Variants in PITPNM1 observed in about 807,000 individuals in gnomAD.
PITPNM1 encodes the protein phosphatidylinositol transfer protein membrane associated 1.
PITPNM1 carries 74 observed loss-of-function variants against 133.3 expected under a neutral mutation model. The ratio of observed to expected loss-of-function variants is 0.56; its 90% CI spans 0.46 to 0.67. The LOEUF (loss-of-function observed/expected upper bound fraction) is 0.67, where lower values mean the gene tolerates loss of function less well. Ranked by LOEUF, PITPNM1 falls within the 30% of genes least tolerant of loss-of-function variation. The pLI is 0.00. For synonymous variants in PITPNM1, 738 were observed against 741.4 expected (o/e 1.00, Z 0.08); for missense variants, 1,398 against 1,739.5 (o/e 0.80, Z 3.49).
Position 67,492,293 on chromosome 11 carries a change from G to A in PITPNM1, c.3475C>T (p.Leu1159=), listed in dbSNP as rs1033367129. The change falls in exon 24 of 24, where the codon CTG becomes TTG. Residue 1159 remains leucine, a synonymous_variant. Coordinates refer to ENST00000356404, the MANE Select transcript of PITPNM1 (RefSeq NM_004910.3). Reference sequence around the variant, plus strand: ...AGGTGGGCCACATAGCCGTCTGACAGGAACTGTGGGCAGAGGTAGGCAGCG... The same window carrying A: ...AGGTGGGCCACATAGCCGTCTGACAAGAACTGTGGGCAGAGGTAGGCAGCG... ...VRKLQAQCQF[L]SDGYVAHLGQ... The A allele has an allele frequency of 6.4e-7, 1 of 1,565,344 alleles. No individual in the cohort carries two copies. The highest frequency in any genetic ancestry group is 1.4e-5 in the African/African-American group (1 of 73,666).
intron 12 of PITPNM1, 110 bp from the exon 13 acceptor site, chr11:67,497,789 G>A: frequency 6.6e-7 from 1 of 1,509,574 alleles, no homozygotes. Flanking sequence ...GAATTCCAGA[G>A]AAGACATGAA....
At position 67,496,289 on chromosome 11, in the gene PITPNM1, A is replaced by G; in HGVS notation, c.2206T>C (p.Cys736Arg). Reference sequence around the variant, plus strand: ...AGCAGGGGCTCGAGGCGTGAGGCGCAGGGGTCAGCCGCGTGGAAGAGGTTG... The same window carrying G: ...AGCAGGGGCTCGAGGCGTGAGGCGCGGGGGTCAGCCGCGTGGAAGAGGTTG... ...IYNLFHAADPCASRLEPLLAP... is the reference protein window; with the variant it reads ...IYNLFHAADPRASRLEPLLAP... Residue 736 changes from cysteine (C) to arginine (R), a missense_variant, in exon 15 of 24, where the codon TGC (cysteine) becomes CGC (arginine). Physicochemically the swap from Cys to Arg is radical, Grantham distance 180 (BLOSUM62 -3). Coordinates refer to ENST00000356404, the MANE Select transcript of PITPNM1 (RefSeq NM_004910.3). The G allele has an allele frequency of 6.3e-7, 1 of 1,578,744 alleles. No individual in the cohort carries two copies. The highest frequency in any genetic ancestry group is 2.4e-5 in the East Asian group (1 of 41,412).
intron 12 of PITPNM1, 65 bp downstream of exon 12, chr11:67,497,852 G>A (rs973401651): frequency 6.6e-6 from 10 of 1,518,026 alleles, no homozygotes; most frequent in Non-Finnish European, 8.1e-6. Flanking sequence ...CATTCCAGGG[G>A]GCAGAGACCT....
In PITPNM1 at chr11:67,500,438, G is replaced by A. The variant is rs760012089; in HGVS notation, c.641-17C>T. 44 of 1,596,882 alleles carry A rather than the reference G, an allele frequency of 2.8e-5. No individual in the cohort carries two copies. The Middle Eastern group carries it at 5.0e-4, about 18-fold the overall frequency. ...GACGCAGACCTGCAGGTGCCCAGGC[G>A]TCAGAACTGCCCCCTCCCCCTGCTT... On this transcript the variant is annotated splice_polypyrimidine_tract_variant and intron_variant, in intron 5 of 23. Coordinates refer to ENST00000356404, the MANE Select transcript of PITPNM1 (RefSeq NM_004910.3).
chr11:67,497,857 A>C, intron 12 of PITPNM1, 60 bp downstream of exon 12: 1 of 1,532,122 alleles, frequency 6.5e-7, no homozygotes, highest in East Asian at 2.3e-5. Context: ...CAGGGGGCAG[A>C]GACCTAGAGC....
Position 67,494,963 on chromosome 11 carries a change from G to C in PITPNM1, c.2632-7C>G, listed in dbSNP as rs201226579. 5.0e-5 allele frequency: 81 copies of C among 1,611,428 alleles called. No individual in the cohort carries two copies. Among genetic ancestry groups the C allele is most frequent in the Non-Finnish European group, 6.3e-5 (74 of 1,179,092 alleles). ...GCCGCTCCTTCTCGATCACCTGCAC[G>C]GGACAGGGGGCGAGGCCTCTGTCTC... On this transcript the variant is annotated splice_region_variant and splice_polypyrimidine_tract_variant and intron_variant, in intron 17 of 23. Transcript: ENST00000356404.
At chr11:67,503,911 G>C in intron 2 of PITPNM1, 192 bp downstream of exon 2, 1 of 521,018 alleles carries the variant, frequency 1.9e-6, no homozygotes, top group South Asian at 2.5e-5. Context: ...AGGAGGGCTG[G>C]GCACTTAGCG....
rs1246023103 is a variant in PITPNM1, at chr11:67,493,573, T to A, written c.3179A>T (p.Tyr1060Phe). The change falls in exon 22 of 24, where the codon TAC (tyrosine) becomes TTC (phenylalanine). Residue 1060 changes from tyrosine (Y) to phenylalanine (F), a missense_variant. By Grantham distance (22) the Tyr-to-Phe change is conservative. Transcript: ENST00000356404. Reference sequence around the variant, plus strand: ...CCGGCCTGTGACATACACGATCAGGTAGCCGGAGTCCTGCCAGTGCCTGTG... The same window carrying A: ...CCGGCCTGTGACATACACGATCAGGAAGCCGGAGTCCTGCCAGTGCCTGTG... Reference protein sequence around the residue: ...DVVRHWQDSGYLIVYVTGRPD... With the variant: ...DVVRHWQDSGFLIVYVTGRPD... 3.2e-6 allele frequency: 5 copies of A among 1,553,052 alleles called. No individual in the cohort carries two copies. The highest frequency in any genetic ancestry group is 4.4e-6 in the Non-Finnish European group (5 of 1,147,424).
rs1866424906 is a variant in PITPNM1, at chr11:67,504,299, T to C, written c.-41-78A>G. On this transcript the variant is annotated intron_variant, in intron 1 of 23. Coordinates refer to ENST00000356404, the MANE Select transcript of PITPNM1 (RefSeq NM_004910.3). The surrounding 1 kb of genome is among the most constrained non-coding windows in gnomAD (Gnocchi z 5.4). The stretch of plus-strand genomic sequence containing the variant: ...GAGCCCTGCGCGCCGGCCGAGGGAC[T>C]CAGGCCACGGGACCCCATGTCCGGG... 2 of 482,106 alleles carry C rather than the reference T, an allele frequency of 4.1e-6. No homozygotes were observed. Among genetic ancestry groups the C allele is most frequent in the East Asian group, 8.2e-5 (2 of 24,422 alleles). The allele number at this position is 482,106 out of a possible 1,614,324, so 29.9% of individuals were successfully genotyped here. A position where few individuals can be genotyped will look rare whatever the true frequency, so the allele number is the denominator to read the frequency against.
At position 67,502,629 on chromosome 11, in the gene PITPNM1, C is replaced by T. The variant is rs771686474; in HGVS notation, c.168G>A (p.Gly56=). Residue 56 remains glycine, a synonymous_variant, in exon 3 of 24, where the codon GGG becomes GGA. Transcript: ENST00000356404. The surrounding 1 kb of genome is among the most constrained non-coding windows in gnomAD (Gnocchi z 5.9). ...CGTGGTACACCTTGTGTGTGTATTG[C>T]CCGCTGCCCCCGGGCCCATCCGTGT... ...RPYTDGPGGS[G]QYTHKVYHVG... The T allele has an allele frequency of 2.4e-5, 38 of 1,613,396 alleles. No individual in the cohort carries two copies. Among genetic ancestry groups the T allele is most frequent in the Non-Finnish European group, 3.2e-5 (38 of 1,180,028 alleles).
chr11:67,494,763 G>C, intron 18 of PITPNM1, 83 bp downstream of exon 18: 1 of 823,942 alleles, frequency 1.2e-6, no homozygotes, highest in Non-Finnish European at 2.0e-6. Flanking sequence ...GAGGAGGGGG[G>C]TGCTGGGGGG....
At chr11:67,496,467 C>T (rs1438859551) in intron 14 of PITPNM1, 119 bp from the exon 15 acceptor site, 10 of 835,920 alleles carry the variant, frequency 1.2e-5, no homozygotes, top group African/African-American at 1.8e-5. Context: ...CAGCACTTCC[C>T]AAACTGCACT....
Position 67,500,075 on chromosome 11 carries a change from T to C in PITPNM1, c.967+20A>G. On this transcript the variant is annotated intron_variant, in intron 6 of 23. Coordinates refer to ENST00000356404, the MANE Select transcript of PITPNM1 (RefSeq NM_004910.3). Reference sequence around the variant, plus strand: ...AGCCTGGGGAGGGCCGTTCCTCCCATCCCTGTGCCCCAGCCTCACCTCCAT... The same window carrying C: ...AGCCTGGGGAGGGCCGTTCCTCCCACCCCTGTGCCCCAGCCTCACCTCCAT... 1.2e-6 allele frequency: 2 copies of C among 1,600,210 alleles called. No homozygotes were observed. The highest frequency in any genetic ancestry group is 8.5e-7 in the Non-Finnish European group (1 of 1,170,732).
Position 67,494,832 on chromosome 11 carries a change from G to C in PITPNM1, c.2742+14C>G, listed in dbSNP as rs1393942287. On this transcript the variant is annotated intron_variant, in intron 18 of 23. Transcript: ENST00000356404. ...TGGGCGAGTGGGCGAGGGGGCGAGG[G>C]GCAGGGCACCTACCCGGATCTTGAC... 6.3e-6 allele frequency: 10 copies of C among 1,593,252 alleles called. No individual in the cohort carries two copies. Among genetic ancestry groups the C allele is most frequent in the Non-Finnish European group, 8.6e-6 (10 of 1,162,814 alleles).
At chr11:67,496,864 G>A (rs1348004618) in intron 14 of PITPNM1, 1 of 199,978 alleles carries the variant, frequency 5.0e-6, no homozygotes, top group Admixed American at 6.1e-5. Context: ...CTTGAACCCA[G>A]GAGGTTGCAG....
At position 67,502,111 on chromosome 11, in the gene PITPNM1, G is replaced by A; in HGVS notation, c.416-25C>T. The stretch of plus-strand genomic sequence containing the variant: ...TCTGAGGGAGTTCGGCAAGCATTGA[G>A]CAGCGCCAGCCCCTTTGAGCCCCCG... On this transcript the variant is annotated intron_variant, in intron 4 of 23. Transcript: ENST00000356404. This position sits in a 1 kb window ranked among gnomAD's most constrained non-coding sequence, Gnocchi z 5.9. 6.2e-7 allele frequency: 1 copy of A among 1,601,754 alleles called. No homozygotes were observed. Among genetic ancestry groups the A allele is most frequent in the Non-Finnish European group, 8.5e-7 (1 of 1,172,342 alleles).
chr11:67,494,442 GCAAA>G, intron 18 of PITPNM1, 82 bp from the exon 19 acceptor site: 1 of 868,572 alleles, frequency 1.2e-6, no homozygotes, highest in Non-Finnish European at 1.7e-6. Context: ...GGATCCACAC[GCAAA>G]CACCGGGGTG....
chr11:67,505,694 T>A (rs539826943), upstream of PITPNM1, among the ~76,000 whole-genome samples: 1 of 152,144 alleles, frequency 6.6e-6, no homozygotes, highest in Non-Finnish European at 1.5e-5. The surrounding 1 kb of genome is among the most constrained non-coding windows in gnomAD (Gnocchi z 5.8). Flanking sequence ...CTGCAGTCCT[T>A]AGATTTGGGA....
At position 67,504,252 on chromosome 11, in the gene PITPNM1, C is replaced by T. The variant is rs1250217449; in HGVS notation, c.-41-31G>A. 6.0e-6 allele frequency: 6 copies of T among 1,006,678 alleles called. No individual in the cohort carries two copies. Among genetic ancestry groups the T allele is most frequent in the South Asian group, 2.0e-5 (1 of 49,076 alleles). The allele number at this position is 1,006,678 out of a possible 1,614,324, so 62.4% of individuals were successfully genotyped here. On this transcript the variant is annotated intron_variant, in intron 1 of 23. Transcript: ENST00000356404. The surrounding 1 kb of genome is among the most constrained non-coding windows in gnomAD (Gnocchi z 5.4). The stretch of plus-strand genomic sequence containing the variant: ...GCAGGGCACGGCGCGACAGTCAGTG[C>T]GGGGAGGCTGCGCGCGGCCCCGAGC...
Sources: allele counts gnomAD v4.1 joint callset (sites outside exome capture counted in the v4.1 genomes callset), GRCh38; gene constraint gnomAD v4.1.1; non-coding constraint Gnocchi (gnomAD v3.1); transcripts MANE v1.5; gene names NCBI Gene and HGNC (gene_info 2026-07-23, HGNC 2026-07-21).